The following PSMD14 variants were observed in gnomAD, a reference collection of about 807,000 sequenced individuals.
The protein encoded by PSMD14 is ubiquitin C-terminal hydrolase PSMD14.
PSMD14 carries 7 observed loss-of-function variants against 41.2 expected under a neutral mutation model. That is an observed-to-expected ratio of 0.17 (90% confidence interval 0.10 to 0.32). The LOEUF (loss-of-function observed/expected upper bound fraction) is 0.32, where lower values mean the gene tolerates loss of function less well. Ranked by LOEUF, PSMD14 falls within the 10% of genes least tolerant of loss-of-function variation. The probability of loss-of-function intolerance (pLI) is 1.00; values close to 1 mark genes in which losing one functional copy is unlikely to be tolerated. For synonymous variants in PSMD14, 114 were observed against 122.3 expected (o/e 0.93, Z 0.45); for missense variants, 139 against 375.6 (o/e 0.37, Z 5.21).
intron 8 of PSMD14, among the ~76,000 whole-genome samples, chr2:161,386,192 G>A (rs1683633441): frequency 6.6e-6 from 1 of 151,700 alleles, no homozygotes; most frequent in African/African-American, 2.4e-5. Context: ...ACATGCCATG[G>A]TGTTTTTATA....
At chr2:161,316,145 G>A (rs1689145920) in intron 1 of PSMD14, among the ~76,000 whole-genome samples, 1 of 152,126 alleles carries the variant, frequency 6.6e-6, no homozygotes, top group African/African-American at 2.4e-5. Flanking sequence ...CGCCCAGCCT[G>A]TTTTGTTCTT....
At chr2:161,314,480 T>G (rs1689126650) in intron 1 of PSMD14, among the ~76,000 whole-genome samples, 1 of 152,236 alleles carries the variant, frequency 6.6e-6, no homozygotes, top group South Asian at 2.1e-4. Flanking sequence ...CACCTCAGTT[T>G]AGTTCCAGAA....
At chr2:161,357,190 T>C (rs968845676) in intron 3 of PSMD14, among the ~76,000 whole-genome samples, 5 of 151,352 alleles carry the variant, frequency 3.3e-5, no homozygotes, top group Non-Finnish European at 7.4e-5. Flanking sequence ...ACCTCATGCC[T>C]CAGTTAATTT....
chr2:161,395,069 AT>A lies in PSMD14; in HGVS notation c.646-3del. 9 of 1,556,920 alleles carry A rather than the reference AT, an allele frequency of 5.8e-6. No homozygotes were observed. Among genetic ancestry groups the A allele is most frequent in the Non-Finnish European group, 6.9e-6 (8 of 1,156,976 alleles). On this transcript the variant is annotated splice_region_variant and splice_polypyrimidine_tract_variant and intron_variant, in intron 9 of 11. Transcript: ENST00000409682. ...CAGAAAAAGAATTACTTTTTCTTTTATTTTTTAGATGTTGCTAAATTTGCAT... is the reference window on the plus strand; with the variant it reads ...CAGAAAAAGAATTACTTTTTCTTTTATTTTTAGATGTTGCTAAATTTGCAT...
intron 3 of PSMD14, among the ~76,000 whole-genome samples, chr2:161,365,359 A>G (rs1322931157): frequency 5.3e-5 from 8 of 152,114 alleles, no homozygotes; most frequent in Non-Finnish European, 1.2e-4. Flanking sequence ...TCTTTCAATC[A>G]GTACTTATTA....
chr2:161,393,667 C>G (rs1366625575), intron 9 of PSMD14, among the ~76,000 whole-genome samples: 1 of 152,066 alleles, frequency 6.6e-6, no homozygotes, highest in African/African-American at 2.4e-5. Flanking sequence ...TATAATGGTT[C>G]TATTGACGAA....
chr2:161,365,696 A>G (rs1683348713), intron 3 of PSMD14, among the ~76,000 whole-genome samples: 1 of 152,120 alleles, frequency 6.6e-6, no homozygotes, highest in South Asian at 2.1e-4. Context: ...AAATAATTAT[A>G]TATATTGGTG....
intron 8 of PSMD14, among the ~76,000 whole-genome samples, chr2:161,390,293 G>C (rs1281062449): frequency 6.6e-6 from 1 of 151,916 alleles, no homozygotes; most frequent in East Asian, 1.9e-4. Flanking sequence ...TTTTATACTT[G>C]TTAAAAATAT....
intron 3 of PSMD14, among the ~76,000 whole-genome samples, chr2:161,325,601 A>C (rs577703577): frequency 2.0e-5 from 3 of 152,342 alleles, no homozygotes; most frequent in African/African-American, 7.2e-5. Flanking sequence ...CCAATTAATC[A>C]TACATTCAAC....
chr2:161,364,901 C>T (rs1050292549), intron 3 of PSMD14, among the ~76,000 whole-genome samples: 2 of 151,880 alleles, frequency 1.3e-5, no homozygotes, highest in East Asian at 1.9e-4. Context: ...CTCAGGAGTT[C>T]GAGACCAGCC....
intron 3 of PSMD14, among the ~76,000 whole-genome samples, chr2:161,336,547 A>G (rs1682873082): frequency 6.6e-6 from 1 of 152,074 alleles, no homozygotes; most frequent in African/African-American, 2.4e-5. Flanking sequence ...TGATTCCTTG[A>G]CCACAGTTAT....
intron 7 of PSMD14, among the ~76,000 whole-genome samples, chr2:161,377,465 T>C (rs1014615947): frequency 3.3e-5 from 5 of 151,940 alleles, no homozygotes; most frequent in African/African-American, 1.2e-4. Flanking sequence ...ATATTATAGG[T>C]ACTAATTTGC....
intron 3 of PSMD14, among the ~76,000 whole-genome samples, chr2:161,356,719 A>T (rs1265349964): frequency 6.6e-6 from 1 of 151,464 alleles, no homozygotes; most frequent in Non-Finnish European, 1.5e-5. Flanking sequence ...TTAAATAGCC[A>T]TTATAAAAAT....
intron 3 of PSMD14, among the ~76,000 whole-genome samples, chr2:161,365,210 A>G (rs942379022): frequency 2.0e-5 from 3 of 152,214 alleles, no homozygotes; most frequent in Non-Finnish European, 4.4e-5. Flanking sequence ...AAGAAAATCC[A>G]TTGTGAGTTA....
intron 3 of PSMD14, among the ~76,000 whole-genome samples, chr2:161,324,710 G>C (rs150878109): frequency 1.0e-3 from 145 of 142,706 alleles, no homozygotes; most frequent in South Asian, 5.8e-3. Flanking sequence ...CTGTGTTTTT[G>C]AAAAGTAATT....
chr2:161,345,335 T>G (rs1448393032), intron 3 of PSMD14, among the ~76,000 whole-genome samples: 1 of 147,666 alleles, frequency 6.8e-6, no homozygotes, highest in Non-Finnish European at 1.5e-5. Context: ...CTCTGTCTCC[T>G]GGGCTCAAGC....
At chr2:161,393,971 ATTT>A (rs11452254) in intron 9 of PSMD14, among the ~76,000 whole-genome samples, 2 of 100,904 alleles carry the variant, frequency 2.0e-5, no homozygotes, top group Non-Finnish European at 3.7e-5. Flanking sequence ...ACACTAGATA[ATTT>A]TTTTTTTTTT....
At chr2:161,337,621 T>C (rs929277157) in intron 3 of PSMD14, among the ~76,000 whole-genome samples, 8 of 152,208 alleles carry the variant, frequency 5.3e-5, no homozygotes, top group African/African-American at 9.6e-5. Context: ...ACTGAACTTA[T>C]AGGAATTAAC....
At chr2:161,401,473 A>G (rs949662998) in intron 10 of PSMD14, among the ~76,000 whole-genome samples, 2 of 152,222 alleles carry the variant, frequency 1.3e-5, no homozygotes, top group African/African-American at 4.8e-5. Context: ...AGTGTGTGCA[A>G]TGTGGTCTTT....
Sources: allele counts gnomAD v4.1 joint callset (sites outside exome capture counted in the v4.1 genomes callset), GRCh38; gene constraint gnomAD v4.1.1; transcripts MANE v1.5; gene names NCBI Gene and HGNC (gene_info 2026-07-23, HGNC 2026-07-21).